Variants in RBM47 observed in about 807,000 individuals in gnomAD.
The protein encoded by RBM47 is RNA binding motif protein 47, also known as RNA-binding protein 47.
A neutral mutation model predicts 47.1 loss-of-function variants in RBM47; 21 were observed. That is an observed-to-expected ratio of 0.45 (90% CI 0.32 to 0.64). The LOEUF (loss-of-function observed/expected upper bound fraction) is 0.64, where lower values mean the gene tolerates loss of function less well. RBM47 is among the 30% of genes least tolerant of loss of function. The probability of loss-of-function intolerance (pLI) is 0.05; values close to 1 mark genes in which losing one functional copy is unlikely to be tolerated. For synonymous variants in RBM47, 375 were observed against 361.7 expected (o/e 1.04, Z -0.42); for missense variants, 708 against 870.9 (o/e 0.81, Z 2.35).
At position 40,438,846 on chromosome 4, in the gene RBM47, G is replaced by A. The variant is rs551330577; in HGVS notation, c.48C>T (p.Ala16=). 6 of 1,558,588 alleles carry A rather than the reference G, an allele frequency of 3.8e-6. No homozygotes were observed. In the Admixed American group the frequency reaches 9.4e-5, roughly 24 times the overall value. ...STAAMSSDSA[A]GSSAKVPEGV... The stretch of plus-strand genomic sequence containing the variant: ...CCTCGGGCACCTTGGCGGAGGACCC[G>A]GCGGCCGAGTCACTGCTCATGGCTG... Residue 16 remains alanine (A), a synonymous_variant, in exon 4 of 7, where the codon GCC becomes GCT. Coordinates refer to ENST00000295971, the MANE Select transcript of RBM47 (RefSeq NM_001098634.2).
chr4:40,602,246 A>T (rs1735348044), intron 1 of RBM47, among the ~76,000 whole-genome samples: 1 of 152,240 alleles, frequency 6.6e-6, no homozygotes, highest in South Asian at 2.1e-4. Flanking sequence ...ACTGGGAATA[A>T]TTAATGAACC....
chr4:40,571,883 C>T (rs539909495), intron 1 of RBM47, among the ~76,000 whole-genome samples: 2 of 151,584 alleles, frequency 1.3e-5, no homozygotes, highest in Admixed American at 6.6e-5. Context: ...ATTAGCCAGG[C>T]GTGGTGGTCC....
chr4:40,469,237 T>C (rs964963359), intron 2 of RBM47, among the ~76,000 whole-genome samples: 1 of 152,142 alleles, frequency 6.6e-6, no homozygotes, highest in Non-Finnish European at 1.5e-5. Flanking sequence ...AAGCAAATTA[T>C]TAATATATAA....
chr4:40,449,344 C>T (rs928333194), intron 3 of RBM47, among the ~76,000 whole-genome samples: 7 of 152,134 alleles, frequency 4.6e-5, no homozygotes, highest in Admixed American at 3.9e-4. Context: ...AATGACATTC[C>T]GGGCCATGCC....
At chr4:40,497,104 TG>T (rs1236426427) in intron 2 of RBM47, among the ~76,000 whole-genome samples, 2 of 151,646 alleles carry the variant, frequency 1.3e-5, no homozygotes, top group Admixed American at 1.3e-4. Flanking sequence ...TTAAAGAATT[TG>T]CCCAAGACAA....
rs536692092 is a variant in RBM47 at position 40,604,718 on chromosome 4, T to TTGTTGTTGC, written c.-240+24677_-240+24678insGCAACAACA. 3.0e-3 allele frequency among the ~76,000 whole-genome samples: 436 copies of TTGTTGTTGC among 145,286 alleles called. 1 individual carries two copies. Among genetic ancestry groups the TTGTTGTTGC allele is most frequent in the African/African-American group, 0.012 (421 of 35,120 alleles). ...TTCACGATTGCCACATGGCTCTTTGTTGTTGTTGTTGTTGTTGAGACGGAG... is the reference window on the plus strand; with the variant it reads ...TTCACGATTGCCACATGGCTCTTTGTTGTTGTTGCTGTTGTTGTTGTTGTTGAGACGGAG... On this transcript the variant is annotated intron_variant, in intron 1 of 6. Transcript: ENST00000295971.
intron 1 of RBM47, among the ~76,000 whole-genome samples, chr4:40,586,879 G>T (rs1733639797): frequency 6.6e-6 from 1 of 152,108 alleles, no homozygotes; most frequent in South Asian, 2.1e-4. Context: ...GGCAGGAGGG[G>T]ATTCACAACA....
At chr4:40,583,548 TTAAC>T (rs1157723366) in intron 1 of RBM47, among the ~76,000 whole-genome samples, 3 of 151,600 alleles carry the variant, frequency 2.0e-5, no homozygotes, top group Admixed American at 6.6e-5. Context: ...AAAATATTAA[TTAAC>T]TAATTAATTC....
intron 1 of RBM47, among the ~76,000 whole-genome samples, chr4:40,619,381 T>C (rs1030825538): frequency 3.9e-5 from 6 of 152,128 alleles, no homozygotes; most frequent in East Asian, 1.9e-4. Context: ...TGAGCCATGA[T>C]TGCACCACTG....
intron 1 of RBM47, among the ~76,000 whole-genome samples, chr4:40,581,242 T>G (rs1732878356): frequency 1.3e-5 from 2 of 151,900 alleles, no homozygotes; most frequent in African/African-American, 4.8e-5. Context: ...GACAATATAG[T>G]GAGACCTCAT....
intron 1 of RBM47, among the ~76,000 whole-genome samples, chr4:40,562,706 C>T (rs2154266846): frequency 6.6e-6 from 1 of 152,186 alleles, no homozygotes; most frequent in South Asian, 2.1e-4. Flanking sequence ...CCTCAAGTGA[C>T]CTGCCCACCT....
chr4:40,613,597 G>A (rs1051952809), intron 1 of RBM47, among the ~76,000 whole-genome samples: 19 of 152,172 alleles, frequency 1.2e-4, no homozygotes, highest in African/African-American at 3.6e-4. Context: ...ATCATCAGAA[G>A]ACAGATGAGT....
At position 40,512,454 on chromosome 4, in the gene RBM47, G is replaced by A. The variant is rs375922136; in HGVS notation, c.-155+31968C>T. On this transcript the variant is annotated intron_variant, in intron 2 of 6. Coordinates refer to ENST00000295971, the MANE Select transcript of RBM47 (RefSeq NM_001098634.2). ...AAAAAGGCCGGGTGCGGTGGCTTAC[G>A]CCTGTAATCCCAGCACTTTGGGAGG... Among the ~76,000 whole-genome samples the A allele has an allele frequency of 2.6e-4, 34 of 133,168 alleles. 1 individual carries two copies. The highest frequency in any genetic ancestry group is 9.3e-4 in the African/African-American group (33 of 35,450). 87.4% of individuals were successfully genotyped at this position (133,168 alleles called of 152,430 possible).
At chr4:40,606,197 C>CAA (rs373716711) in intron 1 of RBM47, among the ~76,000 whole-genome samples, 1 of 106,560 alleles carries the variant, frequency 9.4e-6, no homozygotes, top group Non-Finnish European at 2.0e-5. Flanking sequence ...GACGTCATCT[C>CAA]AAAAAAAAAA....
At chr4:40,455,589 C>G (rs148392176) in intron 3 of RBM47, 1 of 152,196 alleles carries the variant, frequency 6.6e-6, no homozygotes, top group Non-Finnish European at 1.5e-5. Flanking sequence ...ATAGTGAGAC[C>G]CTGTCTCTAC....
At chr4:40,484,309 T>A (rs967959122) in intron 2 of RBM47, among the ~76,000 whole-genome samples, 1 of 152,224 alleles carries the variant, frequency 6.6e-6, no homozygotes, top group African/African-American at 2.4e-5. Context: ...TTTTAATGAT[T>A]TGATAAAACG....
intron 2 of RBM47, among the ~76,000 whole-genome samples, chr4:40,503,990 T>C (rs1032594841): frequency 3.3e-5 from 5 of 152,020 alleles, no homozygotes; most frequent in East Asian, 1.9e-4. Flanking sequence ...CTGGGCAACA[T>C]AGTGAGACCC....
intron 6 of RBM47, among the ~76,000 whole-genome samples, chr4:40,431,524 G>A (rs781215347): frequency 1.3e-5 from 2 of 152,220 alleles, no homozygotes; most frequent in African/African-American, 2.4e-5. Flanking sequence ...CGGGCATGGT[G>A]GCGTGCGCCT....
At position 40,425,708 on chromosome 4, in the gene RBM47, C is replaced by G; in HGVS notation, c.*196G>C. On this transcript the variant is annotated 3_prime_UTR_variant, in exon 7 of 7. Transcript: ENST00000295971. The stretch of plus-strand genomic sequence containing the variant: ...TGCAAGTCTTTTGGAAATGTATGAA[C>G]GTAGGCATGCTAAGTTGAAAATAGT... 1 of 744,994 alleles carries G rather than the reference C, an allele frequency of 1.3e-6. No individual in the cohort carries two copies. 46.1% of individuals were successfully genotyped at this position (744,994 alleles called of 1,614,324 possible).
Sources: allele counts gnomAD v4.1 joint callset (sites outside exome capture counted in the v4.1 genomes callset), GRCh38; gene constraint gnomAD v4.1.1; transcripts MANE v1.5; gene names NCBI Gene and HGNC (gene_info 2026-07-23, HGNC 2026-07-21).